Variants in PDCL observed in about 807,000 individuals in gnomAD.
PDCL encodes phosducin like.
In PDCL, 11 loss-of-function variants were observed where a neutral mutation model predicts 26.7. The ratio of observed to expected loss-of-function variants is 0.41; its 90% CI spans 0.26 to 0.68. The LOEUF (loss-of-function observed/expected upper bound fraction) is 0.68, where lower values mean the gene tolerates loss of function less well. PDCL is among the 30% of genes least tolerant of loss of function. The pLI is 0.30. For missense variants in PDCL, 330 were observed against 371.6 expected, an observed-to-expected ratio of 0.89 and a Z score of 0.92; for synonymous variants, 118 against 134.9, an observed-to-expected ratio of 0.87 and a Z score of 0.87.
intron 2 of PDCL, among the ~76,000 whole-genome samples, chr9:122,823,596 T>C (rs765516822): frequency 6.6e-6 from 1 of 152,174 alleles, no homozygotes; most frequent in Non-Finnish European, 1.5e-5. Context: ...TGTATATACA[T>C]AATTTATGTA....
chr9:122,823,883 C>A (rs1160918870), intron 2 of PDCL, among the ~76,000 whole-genome samples: 1 of 151,828 alleles, frequency 6.6e-6, no homozygotes, highest in Admixed American at 6.6e-5. Flanking sequence ...AATCCCCCTG[C>A]CTCAGCTTCC....
chr9:122,827,041 C>T (rs1480110990), intron 1 of PDCL, among the ~76,000 whole-genome samples: 1 of 152,074 alleles, frequency 6.6e-6, no homozygotes, highest in Non-Finnish European at 1.5e-5. Context: ...CAGCGAATGA[C>T]GGAGCTGGGA....
At chr9:122,825,408 C>T (rs762640461) in intron 2 of PDCL, among the ~76,000 whole-genome samples, 4 of 152,166 alleles carry the variant, frequency 2.6e-5, no homozygotes, top group African/African-American at 9.7e-5. Context: ...GCAGTCCACC[C>T]GCCTCAACCT....
chr9:122,827,859 G>A, intron 1 of PDCL, among the ~76,000 whole-genome samples: 1 of 152,150 alleles, frequency 6.6e-6, no homozygotes, highest in East Asian at 1.9e-4. Context: ...GAATGCGGCT[G>A]CCTTAAAGAC....
chr9:122,821,439 T>C (rs1320923263), intron 3 of PDCL, among the ~76,000 whole-genome samples: 2 of 152,030 alleles, frequency 1.3e-5, no homozygotes, highest in African/African-American at 4.8e-5. Flanking sequence ...CAGAGTCATA[T>C]GGACTCTAAA....
chr9:122,828,232 G>T (rs764961882), intron 1 of PDCL, among the ~76,000 whole-genome samples: 1 of 152,150 alleles, frequency 6.6e-6, no homozygotes, highest in Non-Finnish European at 1.5e-5. Flanking sequence ...CCCTGGAGAC[G>T]CGAGCAGAGG....
chr9:122,821,862 A>AGG, intron 3 of PDCL, among the ~76,000 whole-genome samples: 2 of 151,952 alleles, frequency 1.3e-5, no homozygotes, highest in South Asian at 2.1e-4. Context: ...CTCTCATAAA[A>AGG]CCTAACTCTG....
At chr9:122,826,906 G>C (rs1829636198) in intron 1 of PDCL, 114 bp from the exon 2 acceptor site, 1 of 940,098 alleles carries the variant, frequency 1.1e-6, no homozygotes, top group South Asian at 1.6e-5. Context: ...ACACTAAAGT[G>C]ATTATTTTCA....
chr9:122,822,136 C>T (rs927081782), intron 3 of PDCL, among the ~76,000 whole-genome samples: 2 of 152,182 alleles, frequency 1.3e-5, no homozygotes, highest in Non-Finnish European at 2.9e-5. Flanking sequence ...TTATCTGCTC[C>T]CTGATCCTGT....
In PDCL at chr9:122,826,805, A is replaced by C. The variant is rs146745140; in HGVS notation, c.-5-13T>G. The C allele has an allele frequency of 1.9e-4, 301 of 1,613,486 alleles. 2 individuals carry two copies. In the East Asian group the frequency reaches 6.6e-3, roughly 35 times the overall value. On this transcript the variant is annotated splice_polypyrimidine_tract_variant and intron_variant, in intron 1 of 3. Coordinates refer to ENST00000259467, the MANE Select transcript of PDCL (RefSeq NM_005388.5). ...GTGGTCATGGTGTCTGGAAAAAGAA[A>C]GCATATCAGGTTCTTTGCTGATTTG... is the stretch of plus-strand genomic sequence containing the variant.
Position 122,823,067 on chromosome 9 carries a change from T to G in PDCL, c.303A>C (p.Glu101Asp). The G allele has an allele frequency of 6.2e-7, 1 of 1,614,190 alleles. No homozygotes were observed. Among genetic ancestry groups the G allele is most frequent in the Non-Finnish European group, 8.5e-7 (1 of 1,180,026 alleles). ...CTTTCTGTTTCTGTTGCTCCTCCTCTTCATCCAGATGGGACCTGCAAGTCA... is the reference window on the plus strand; with the variant it reads ...CTTTCTGTTTCTGTTGCTCCTCCTCGTCATCCAGATGGGACCTGCAAGTCA... ...LSMTCRSHLD[E>D]EEEQQKQKDL... The change falls in exon 3 of 4, where the codon GAA (glutamate) becomes GAC (aspartate). Residue 101 changes from glutamate to aspartate, a missense_variant. By Grantham distance (45) the Glu-to-Asp change is conservative. Coordinates refer to ENST00000259467, the MANE Select transcript of PDCL (RefSeq NM_005388.5).
intron 3 of PDCL, among the ~76,000 whole-genome samples, chr9:122,821,850 T>A (rs1431005007): frequency 1.3e-5 from 2 of 152,092 alleles, no homozygotes; most frequent in African/African-American, 4.8e-5. Flanking sequence ...ACATCCTCGC[T>A]CCTCTCATAA....
intron 2 of PDCL, 63 bp from the exon 3 acceptor site, chr9:122,823,260 A>C: frequency 6.6e-7 from 1 of 1,516,244 alleles, no homozygotes; most frequent in Non-Finnish European, 9.1e-7. Flanking sequence ...ACCAGCTGAC[A>C]TCTGTAGGTA....
chr9:122,827,906 ACTCT>A (rs1829649499), intron 1 of PDCL, among the ~76,000 whole-genome samples: 1 of 151,508 alleles, frequency 6.6e-6, no homozygotes, highest in Non-Finnish European at 1.5e-5. Context: ...TTACAAAGTG[ACTCT>A]CTCCCACCGG....
At position 122,820,039 on chromosome 9, in the gene PDCL, T is replaced by C; in HGVS notation, c.*46A>G. On this transcript the variant is annotated 3_prime_UTR_variant, in exon 4 of 4. Transcript: ENST00000259467. The stretch of plus-strand genomic sequence containing the variant: ...AGGAACAAAAATAAACAATGACGTG[T>C]ATTCCAACCCAAACAATGAGAAATC... 6.8e-7 allele frequency: 1 copy of C among 1,466,148 alleles called. No homozygotes were observed. Among genetic ancestry groups the C allele is most frequent in the Non-Finnish European group, 9.2e-7 (1 of 1,083,000 alleles). The allele number at this position is 1,466,148 out of a possible 1,614,324, so 90.8% of individuals were successfully genotyped here. A position where few individuals can be genotyped will look rare whatever the true frequency, so the allele number is the denominator to read the frequency against.
intron 2 of PDCL, among the ~76,000 whole-genome samples, chr9:122,824,611 T>C (rs186394427): frequency 1.3e-5 from 2 of 152,326 alleles, no homozygotes; most frequent in African/African-American, 2.4e-5. Context: ...CAAATCTATA[T>C]GAAGACAACT....
Position 122,820,030 on chromosome 9 carries a change from A to G in PDCL, c.*55T>C. 7.1e-7 allele frequency: 1 copy of G among 1,407,068 alleles called. No individual in the cohort carries two copies. The highest frequency in any genetic ancestry group is 9.7e-7 in the Non-Finnish European group (1 of 1,034,264). The allele number at this position is 1,407,068 out of a possible 1,614,324, so 87.2% of individuals were successfully genotyped here. On this transcript the variant is annotated 3_prime_UTR_variant, in exon 4 of 4. Transcript: ENST00000259467. ...AGAAGACAAAGGAACAAAAATAAAC[A>G]ATGACGTGTATTCCAACCCAAACAA...
chr9:122,827,878 G>A (rs895774417), intron 1 of PDCL, among the ~76,000 whole-genome samples: 1 of 152,038 alleles, frequency 6.6e-6, no homozygotes, highest in African/African-American at 2.4e-5. Flanking sequence ...ACTTATCACC[G>A]GGCCTATCAT....
At chr9:122,821,592 TA>T (rs1180345885) in intron 3 of PDCL, among the ~76,000 whole-genome samples, 38 of 152,286 alleles carry the variant, frequency 2.5e-4, no homozygotes, top group African/African-American at 8.2e-4. Flanking sequence ...TTTATGAAAT[TA>T]TATATAATGT....
Sources: gnomAD v4.1 joint callset for allele counts (sites outside exome capture counted in the v4.1 genomes callset) on GRCh38, gnomAD v4.1.1 for gene constraint, MANE v1.5 for transcripts, NCBI Gene and HGNC (gene_info 2026-07-23, HGNC 2026-07-21) for gene names.